Variants in CDH12 observed in about 807,000 individuals in gnomAD.
CDH12 encodes the protein cadherin 12, also known as cadherin-12.
CDH12 carries 41 observed loss-of-function variants against 74.1 expected under a neutral mutation model. That is an observed-to-expected ratio of 0.55 (90% CI 0.43 to 0.72). CDH12 has a LOEUF of 0.72. Ranked by LOEUF, CDH12 falls within the 30% of genes least tolerant of loss-of-function variation. The pLI is 0.00. For synonymous variants in CDH12, 399 were observed against 355.0 expected (o/e 1.12, Z -1.39); for missense variants, 945 against 977.2 (o/e 0.97, Z 0.44).
intron 5 of CDH12, among the ~76,000 whole-genome samples, chr5:21,988,140 C>A (rs192575705): frequency 1.3e-5 from 2 of 152,196 alleles, no homozygotes; most frequent in Middle Eastern, 3.4e-3. Flanking sequence ...CTCCTCCCCC[C>A]ATATAACACT....
intron 5 of CDH12, among the ~76,000 whole-genome samples, chr5:22,076,201 T>C (rs1742305622): frequency 6.6e-6 from 1 of 152,112 alleles, no homozygotes; most frequent in African/African-American, 2.4e-5. Flanking sequence ...GGTTAGATGT[T>C]AGACTTACTC....
intron 4 of CDH12, among the ~76,000 whole-genome samples, chr5:22,138,662 G>A (rs1428215473): frequency 2.0e-5 from 3 of 149,994 alleles, no homozygotes; most frequent in Admixed American, 1.3e-4. Context: ...GATCAAATAG[G>A]TCTTGAGTCA....
chr5:22,165,517 C>CATACACAT (rs72047038), intron 4 of CDH12, among the ~76,000 whole-genome samples: 1 of 150,826 alleles, frequency 6.6e-6, no homozygotes, highest in Non-Finnish European at 1.5e-5. Context: ...CACACATACA[C>CATACACAT]ACACACACAC....
At chr5:22,016,437 C>A (rs143585544) in intron 5 of CDH12, among the ~76,000 whole-genome samples, 2 of 152,022 alleles carry the variant, frequency 1.3e-5, no homozygotes, top group Non-Finnish European at 2.9e-5. Flanking sequence ...TGTTTTGTCT[C>A]CAGGCTAGAG....
At chr5:22,531,943 G>A (rs994565944) in intron 1 of CDH12, among the ~76,000 whole-genome samples, 5 of 152,112 alleles carry the variant, frequency 3.3e-5, no homozygotes, top group Non-Finnish European at 5.9e-5. Flanking sequence ...TCTGGACTGT[G>A]GTTCACCAGG....
chr5:21,969,024 C>G lies in CDH12; in HGVS notation c.526+6067G>C, dbSNP rs555464194. Among the ~76,000 whole-genome samples the G allele has an allele frequency of 9.9e-5, 15 of 151,946 alleles. No homozygotes were observed. In the East Asian group the frequency reaches 2.9e-3, roughly 29 times the overall value. ...GGAGCATTAGAAAAAATAACTAATG[C>G]ATGCTGGGCTTAATACTTATGTGAT... On this transcript the variant is annotated intron_variant, in intron 6 of 14. Transcript: ENST00000382254.
intron 4 of CDH12, among the ~76,000 whole-genome samples, chr5:22,095,741 A>T (rs1743723203): frequency 6.9e-6 from 1 of 145,920 alleles, no homozygotes; most frequent in Middle Eastern, 3.5e-3. Context: ...TTATTTCCAC[A>T]CCCCGACCCC....
intron 1 of CDH12, among the ~76,000 whole-genome samples, chr5:22,708,074 C>T (rs965290363): frequency 3.3e-5 from 5 of 152,044 alleles, no homozygotes; most frequent in Non-Finnish European, 5.9e-5. Context: ...AACACATAGC[C>T]CTCTTGTAAA....
chr5:22,597,273 T>A (rs1233215866), intron 1 of CDH12, among the ~76,000 whole-genome samples: 1 of 152,194 alleles, frequency 6.6e-6, no homozygotes, highest in African/African-American at 2.4e-5. Context: ...ACAACTAATT[T>A]TTTTAAAGAA....
chr5:21,755,361 A>C (rs113419939), intron 14 of CDH12, among the ~76,000 whole-genome samples: 2,306 of 152,220 alleles, frequency 0.015, 65 homozygotes, highest in African/African-American at 0.053. Flanking sequence ...TTATTTTATG[A>C]TGTTATTTAT....
intron 2 of CDH12, among the ~76,000 whole-genome samples, chr5:22,424,063 G>T (rs1478733973): frequency 6.7e-6 from 1 of 149,418 alleles, no homozygotes; most frequent in Non-Finnish European, 1.5e-5. Context: ...AAAAAAGAGG[G>T]TGACTGCATT....
At chr5:22,710,741 G>A (rs1249460544) in intron 1 of CDH12, among the ~76,000 whole-genome samples, 31 of 152,058 alleles carry the variant, frequency 2.0e-4, no homozygotes, top group Admixed American at 2.0e-3. Context: ...TTGGTCTTTT[G>A]CTTATTCTAG....
intron 4 of CDH12, among the ~76,000 whole-genome samples, chr5:22,173,192 A>G (rs1261325473): frequency 6.7e-6 from 1 of 150,012 alleles, no homozygotes; most frequent in Non-Finnish European, 1.5e-5. Context: ...ATGTATGTAC[A>G]TACATGTGCT....
At chr5:22,744,730 T>A (rs1745207444) in intron 1 of CDH12, among the ~76,000 whole-genome samples, 1 of 152,228 alleles carries the variant, frequency 6.6e-6, no homozygotes, top group Admixed American at 6.5e-5. Context: ...ATTTAACTTT[T>A]GCTTTTTTCA....
chr5:22,697,561 G>T (rs1359670985), intron 1 of CDH12, among the ~76,000 whole-genome samples: 1 of 114,722 alleles, frequency 8.7e-6, no homozygotes, highest in African/African-American at 3.7e-5. Flanking sequence ...GACAGAGCGA[G>T]ACTCTGTCTC....
intron 3 of CDH12, among the ~76,000 whole-genome samples, chr5:22,392,721 T>C (rs887629208): frequency 1.3e-5 from 2 of 152,280 alleles, no homozygotes; most frequent in African/African-American, 2.4e-5. Context: ...TCCTGGATTG[T>C]AGGAAAGTAC....
intron 1 of CDH12, among the ~76,000 whole-genome samples, chr5:22,825,271 C>CAAATGT (rs1460085058): frequency 6.6e-6 from 1 of 150,638 alleles, no homozygotes; most frequent in Non-Finnish European, 1.5e-5. Flanking sequence ...TATATACTTA[C>CAAATGT]ACATATATAA....
chr5:22,651,133 T>C (rs903632492), intron 1 of CDH12, among the ~76,000 whole-genome samples: 1 of 152,072 alleles, frequency 6.6e-6, no homozygotes, highest in Non-Finnish European at 1.5e-5. Context: ...TATTTTAAAG[T>C]CACAGCCAGC....
At chr5:22,449,395 G>T (rs1361664506) in intron 2 of CDH12, among the ~76,000 whole-genome samples, 1 of 152,010 alleles carries the variant, frequency 6.6e-6, no homozygotes, top group Non-Finnish European at 1.5e-5. Context: ...CAGATCCTGG[G>T]AGAATTCATT....
Sources: allele counts gnomAD v4.1 joint callset (sites outside exome capture counted in the v4.1 genomes callset), GRCh38; gene constraint gnomAD v4.1.1; transcripts MANE v1.5; gene names NCBI Gene and HGNC (gene_info 2026-07-23, HGNC 2026-07-21).